The following PCDHGB2 variants were observed in gnomAD, a reference collection of about 807,000 sequenced individuals.
The protein encoded by PCDHGB2 is protocadherin gamma-B2.
Under a neutral mutation model 59.3 loss-of-function variants are expected in PCDHGB2, and 55 were observed. The observed-to-expected ratio is 0.93, with a 90% CI of 0.75 to 1.16. The LOEUF is 1.16. Ranked by LOEUF, PCDHGB2 falls within the 50% of genes most tolerant of loss-of-function variation. The pLI, the probability that PCDHGB2 is intolerant of heterozygous loss-of-function variation, is 0.00. For synonymous variants in PCDHGB2, 516 were observed against 512.0 expected (o/e 1.01, Z -0.11); for missense variants, 1,228 against 1,198.5 (o/e 1.02, Z -0.36).
chr5:141,419,945 T>C (rs2096451536), intron 1 of PCDHGB2: 4 of 1,614,088 alleles, frequency 2.5e-6, no homozygotes, highest in Middle Eastern at 1.6e-4. Context: ...GGTGGTGGCC[T>C]TGGCCTTGAT....
At position 141,364,595 on chromosome 5, in the gene PCDHGB2, A is replaced by G. The variant is rs769751864; in HGVS notation, c.2421+2039A>G. ...AAGCGGCAGCTTGGTCACCGCGGGC[A>G]GGATAGACCGGGAGGAGCTCTGCGC... On this transcript the variant is annotated intron_variant, in intron 1 of 3. Transcript: ENST00000522605. 2.5e-6 allele frequency: 4 copies of G among 1,614,210 alleles called. No homozygotes were observed. The highest frequency in any genetic ancestry group is 1.1e-5 in the South Asian group (1 of 91,092).
rs1761507525 is a variant in PCDHGB2, at chr5:141,360,270, G to C, written c.135G>C (p.Ser45=). ...TTCCAGAGGAGCTGGCCAAAAACTC[G>C]GTCGTAGGAAACCTCGCCAAGGATC... ...YSIPEELAKN[S]VVGNLAKDLG... The change falls in exon 1 of 4, where the codon TCG becomes TCC. Residue 45 remains serine, a synonymous_variant. Coordinates refer to ENST00000522605, the MANE Select transcript of PCDHGB2 (RefSeq NM_018923.3). 4 of 1,613,904 alleles carry C rather than the reference G, an allele frequency of 2.5e-6. No homozygotes were observed. The highest frequency in any genetic ancestry group is 1.1e-5 in the South Asian group (1 of 91,072).
At position 141,477,761 on chromosome 5, in the gene PCDHGB2, AC is replaced by A. The variant is rs754006143; in HGVS notation, c.2422-17044del. ...CGATGGGGGCACCCCGGTCCTAGCC[AC>A]CAACATCAGCGTGAACATATTTGTC... On this transcript the variant is annotated intron_variant, in intron 1 of 3. Coordinates refer to ENST00000522605, the MANE Select transcript of PCDHGB2 (RefSeq NM_018923.3). This position sits in a 1 kb window ranked among gnomAD's most constrained non-coding sequence, Gnocchi z 4.9. 5 of 1,613,854 alleles carry A rather than the reference AC, an allele frequency of 3.1e-6. No homozygotes were observed. Among genetic ancestry groups the A allele is most frequent in the Non-Finnish European group, 4.2e-6 (5 of 1,180,044 alleles).
intron 1 of PCDHGB2, chr5:141,373,950 A>G (rs2150030574): frequency 1.2e-6 from 1 of 822,986 alleles, no homozygotes; most frequent in Non-Finnish European, 1.8e-6. Context: ...CTGTGCAGAA[A>G]TTCTGACCTG....
rs2097542578 is a variant in PCDHGB2 at position 141,432,849 on chromosome 5, T to C, written c.2422-61958T>C. On this transcript the variant is annotated intron_variant, in intron 1 of 3. Coordinates refer to ENST00000522605, the MANE Select transcript of PCDHGB2 (RefSeq NM_018923.3). The surrounding 1 kb of genome is among the most constrained non-coding windows in gnomAD (Gnocchi z 6.0). ...CTCACTCTGTACCTGGTGGTAGCGG[T>C]GGCCGCGGTCTCCTGCGTCTTCCTG... 2 of 1,614,076 alleles carry C rather than the reference T, an allele frequency of 1.2e-6. No individual in the cohort carries two copies. Among genetic ancestry groups the C allele is most frequent in the South Asian group, 1.1e-5 (1 of 91,096 alleles).
At chr5:141,402,854 C>T (rs1589466051) in intron 1 of PCDHGB2, 2 of 1,423,530 alleles carry the variant, frequency 1.4e-6, no homozygotes, top group East Asian at 2.5e-5. Flanking sequence ...CCTCTTTCTT[C>T]TAAGGAAAAG....
chr5:141,421,611 T>C lies in PCDHGB2; in HGVS notation c.2421+59055T>C, dbSNP rs747573417. 6.8e-6 allele frequency: 11 copies of C among 1,613,694 alleles called. No homozygotes were observed. The African/African-American group carries it at 1.3e-4, about 20-fold the overall frequency. On this transcript the variant is annotated intron_variant, in intron 1 of 3. Transcript: ENST00000522605. ...TGGAGGTGGAAATAATAGATATTAA[T>C]GATAACGCCCCCAGCTTCCAGGAGG...
intron 1 of PCDHGB2, among the ~76,000 whole-genome samples, chr5:141,459,678 G>A (rs1240789253): frequency 2.0e-5 from 3 of 152,184 alleles, no homozygotes; most frequent in African/African-American, 7.2e-5. Flanking sequence ...CATGAGCAAT[G>A]CATAAAGCGT....
At chr5:141,456,819 C>A (rs1453433865) in intron 1 of PCDHGB2, among the ~76,000 whole-genome samples, 1 of 151,982 alleles carries the variant, frequency 6.6e-6, no homozygotes, top group Non-Finnish European at 1.5e-5. Flanking sequence ...AAAAAATTAG[C>A]CATCGTGGTA....
chr5:141,418,247 G>A, intron 1 of PCDHGB2: 1 of 1,614,032 alleles, frequency 6.2e-7, no homozygotes, highest in Non-Finnish European at 8.5e-7. Context: ...TAATGACCAC[G>A]CCCCTCAATT....
chr5:141,399,310 A>G, intron 1 of PCDHGB2: 2 of 1,613,936 alleles, frequency 1.2e-6, no homozygotes, highest in Non-Finnish European at 1.7e-6. Context: ...CTCTTCATCC[A>G]AAAATTCGTA....
intron 1 of PCDHGB2, chr5:141,383,504 G>T (rs373658496): frequency 6.2e-7 from 1 of 1,612,766 alleles, no homozygotes; most frequent in South Asian, 1.1e-5. Context: ...GTGCTGGACC[G>T]GGAGGAAGAG....
chr5:141,431,265 G>A lies in PCDHGB2; in HGVS notation c.2422-63542G>A. 2 of 1,614,168 alleles carry A rather than the reference G, an allele frequency of 1.2e-6. No homozygotes were observed. On this transcript the variant is annotated intron_variant, in intron 1 of 3. Transcript: ENST00000522605. This position sits in a 1 kb window ranked among gnomAD's most constrained non-coding sequence, Gnocchi z 4.8. ...GATATCGGGAAGAACTCTCTGCAGA[G>A]CTACGAGCTCAGCCCGAACACTCAC...
rs1015821056 is a variant in PCDHGB2 at position 141,397,642 on chromosome 5, T to C, written c.2421+35086T>C. On this transcript the variant is annotated intron_variant, in intron 1 of 3. Coordinates refer to ENST00000522605, the MANE Select transcript of PCDHGB2 (RefSeq NM_018923.3). Reference sequence around the variant, plus strand: ...TAGTTCTAGCTAAGAGTTCAAGGTATGTTTGCAGAATGGTGAAAGAATGGA... The same window carrying C: ...TAGTTCTAGCTAAGAGTTCAAGGTACGTTTGCAGAATGGTGAAAGAATGGA... Among the ~76,000 whole-genome samples, 3 of 152,236 alleles carry C rather than the reference T, an allele frequency of 2.0e-5. No individual in the cohort carries two copies. The East Asian group carries it at 5.8e-4, about 29-fold the overall frequency.
intron 1 of PCDHGB2, chr5:141,404,308 C>G: frequency 1.2e-6 from 2 of 1,613,918 alleles, no homozygotes; most frequent in East Asian, 2.2e-5. Flanking sequence ...CACCTGCTTT[C>G]TCTCAAGCCT....
intron 1 of PCDHGB2, chr5:141,478,831 G>C: frequency 7.0e-7 from 1 of 1,435,672 alleles, no homozygotes; most frequent in Non-Finnish European, 9.1e-7. Flanking sequence ...ATCTTGCTAA[G>C]GGATGGTTAA....
chr5:141,393,893 T>C (rs761049644), intron 1 of PCDHGB2: 7 of 1,614,034 alleles, frequency 4.3e-6, no homozygotes, highest in Non-Finnish European at 5.1e-6. Flanking sequence ...TAGAAAATTC[T>C]CTTCCCGGGA....
chr5:141,385,537 T>C (rs1486400401), intron 1 of PCDHGB2: 7 of 1,341,300 alleles, frequency 5.2e-6, no homozygotes, highest in Non-Finnish European at 6.7e-6. Flanking sequence ...ATTATGAATA[T>C]GTGGACTATC....
rs371499368 is a variant in PCDHGB2 at position 141,414,269 on chromosome 5, C to T, written c.2421+51713C>T. The stretch of plus-strand genomic sequence containing the variant: ...TTTAGTCCAGTGACTGAAGATTCAC[C>T]TCTGGGAACAGTCGTAGCCCTTTTA... On this transcript the variant is annotated intron_variant, in intron 1 of 3. Coordinates refer to ENST00000522605, the MANE Select transcript of PCDHGB2 (RefSeq NM_018923.3). 8.1e-6 allele frequency: 13 copies of T among 1,613,266 alleles called. No homozygotes were observed. The African/African-American group carries it at 1.6e-4, about 20-fold the overall frequency.
Sources: allele counts gnomAD v4.1 joint callset (sites outside exome capture counted in the v4.1 genomes callset), GRCh38; gene constraint gnomAD v4.1.1; non-coding constraint Gnocchi (gnomAD v3.1); transcripts MANE v1.5; gene names NCBI Gene and HGNC (gene_info 2026-07-23, HGNC 2026-07-21).